HSPG2: variants seen among roughly 807,000 people sequenced by gnomAD.
HSPG2 encodes the protein basement membrane-specific heparan sulfate proteoglycan core protein.
HSPG2 carries 278 observed loss-of-function variants against 526.6 expected under a neutral mutation model. The observed-to-expected ratio is 0.53, with a 90% confidence interval of 0.48 to 0.58. The LOEUF (loss-of-function observed/expected upper bound fraction) is 0.58, where lower values mean the gene tolerates loss of function less well. Among genes scored for constraint, HSPG2 ranks in the 20% least tolerant of loss-of-function variants. The pLI, the probability that HSPG2 is intolerant of heterozygous loss-of-function variation, is 0.00. For synonymous variants in HSPG2, 2,465 were observed against 2,555.4 expected (o/e 0.96, Z 1.07); for missense variants, 5,354 against 6,099.5 (o/e 0.88, Z 4.07).
chr1:21,829,253 G>A (rs2097991217), intron 87 of HSPG2, 130 bp downstream of exon 87: 3 of 1,348,786 alleles, frequency 2.2e-6, no homozygotes, highest in Non-Finnish European at 3.1e-6. Context: ...ACACAGAGAC[G>A]AAATGCACAG....
Position 21,898,413 on chromosome 1 carries a change from T to C in HSPG2, c.64-2103A>G, listed in dbSNP as rs1642895581. 6.6e-6 allele frequency among the ~76,000 whole-genome samples: 1 copy of C among 152,222 alleles called. No individual in the cohort carries two copies. Among genetic ancestry groups the C allele is most frequent in the Non-Finnish European group, 1.5e-5 (1 of 68,032 alleles). On this transcript the variant is annotated intron_variant, in intron 1 of 96. Transcript: ENST00000374695. This position sits in a 1 kb window ranked among gnomAD's most constrained non-coding sequence, Gnocchi z 4.0. ...TCCTCCTGAGTGCTGGCCTGTGGACTTCTAGGCTGTGCCCGTGGGATGCGC... is the reference window on the plus strand; with the variant it reads ...TCCTCCTGAGTGCTGGCCTGTGGACCTCTAGGCTGTGCCCGTGGGATGCGC...
At chr1:21,900,192 C>T (rs556831577) in intron 1 of HSPG2, among the ~76,000 whole-genome samples, 16 of 152,312 alleles carry the variant, frequency 1.1e-4, no homozygotes, top group South Asian at 6.2e-4. Context: ...GGTCAGACCT[C>T]GGCCAGAGAG....
At chr1:21,877,721 C>T (rs910589876) in intron 21 of HSPG2, among the ~76,000 whole-genome samples, 2 of 152,078 alleles carry the variant, frequency 1.3e-5, no homozygotes, top group Non-Finnish European at 2.9e-5. Flanking sequence ...TGGTCTTGAA[C>T]TCCTGACCTC....
chr1:21,899,420 C>T (rs1467817868), intron 1 of HSPG2, among the ~76,000 whole-genome samples: 1 of 152,102 alleles, frequency 6.6e-6, no homozygotes, highest in Non-Finnish European at 1.5e-5. Context: ...TGAGCACTTA[C>T]TATGCACCAG....
chr1:21,822,255 G>T lies in HSPG2; in HGVS notation c.*1061C>A. On this transcript the variant is annotated 3_prime_UTR_variant, in exon 97 of 97. Coordinates refer to ENST00000374695, the MANE Select transcript of HSPG2 (RefSeq NM_005529.7). ...ACTCAGGAGGCCCCTGGCGGGGATA[G>T]CACCGTTTATTAAGAAAAATCAAGA... 6.3e-7 allele frequency: 1 copy of T among 1,595,558 alleles called. No individual in the cohort carries two copies. Among genetic ancestry groups the T allele is most frequent in the Non-Finnish European group, 8.6e-7 (1 of 1,163,276 alleles).
intron 1 of HSPG2, among the ~76,000 whole-genome samples, chr1:21,929,582 GTTTT>G (rs35937490): frequency 5.6e-5 from 7 of 125,172 alleles, no homozygotes; most frequent in Non-Finnish European, 8.4e-5. Flanking sequence ...CCACCTGCCG[GTTTT>G]TTTTTTTTTT....
In HSPG2 at chr1:21,833,362, C is replaced by A; in HGVS notation, c.11001G>T (p.Thr3667=). Residue 3667 remains threonine, a synonymous_variant, in exon 80 of 97, where the codon ACG becomes ACT. Coordinates refer to ENST00000374695, the MANE Select transcript of HSPG2 (RefSeq NM_005529.7). ...GCGGTAGGAAGGAGTAGGGGGTCTG[C>A]GTGAAGTAGGGCACCACCCGCTCTG... ...QVPERVVPYF[T]QTPYSFLPLP... The A allele has an allele frequency of 6.2e-7, 1 of 1,614,126 alleles. No individual in the cohort carries two copies. The highest frequency in any genetic ancestry group is 8.5e-7 in the Non-Finnish European group (1 of 1,180,010).
At chr1:21,863,068 A>AAAAAAAAAAC (rs1639939273) in intron 37 of HSPG2, among the ~76,000 whole-genome samples, 3 of 66,228 alleles carry the variant, frequency 4.5e-5, no homozygotes, top group South Asian at 6.7e-4. Context: ...CTCAAAAAAA[A>AAAAAAAAAAC]AAAAAAAAAA....
At chr1:21,855,099 G>A in intron 47 of HSPG2, 116 bp from the exon 48 acceptor site, 7 of 1,397,606 alleles carry the variant, frequency 5.0e-6, no homozygotes, top group Non-Finnish European at 6.9e-6. Flanking sequence ...AGGGCCCAGT[G>A]GGGCATGAAG....
Position 21,872,357 on chromosome 1 carries a change from A to C in HSPG2, c.4050T>G (p.Pro1350=). ...CCAGGGCAAAGCCTTGGAAGTCCCC[A>C]GGGGCAAAGTGGGTGGAGATCTGGC... ...TRHLISTHFA[P]GDFQGFALVN... is the part of the protein sequence containing the mutation. Residue 1350 remains proline (P), a synonymous_variant, in exon 33 of 97, where the codon CCT becomes CCG. Transcript: ENST00000374695. This position sits in a 1 kb window ranked among gnomAD's most constrained non-coding sequence, Gnocchi z 5.5. 6.3e-7 allele frequency: 1 copy of C among 1,576,078 alleles called. No homozygotes were observed. The highest frequency in any genetic ancestry group is 8.6e-7 in the Non-Finnish European group (1 of 1,159,566).
At chr1:21,870,428 G>T in intron 33 of HSPG2, 1 of 327,834 alleles carries the variant, frequency 3.1e-6, no homozygotes, top group Non-Finnish European at 4.4e-6. Context: ...ACACTAATTA[G>T]GAAGAAAGAT....
chr1:21,823,481 G>A lies in HSPG2; in HGVS notation c.13011C>T (p.Ala4337=), dbSNP rs1263243391. 1 of 1,601,206 alleles carries A rather than the reference G, an allele frequency of 6.2e-7. No homozygotes were observed. Among genetic ancestry groups the A allele is most frequent in the Non-Finnish European group, 8.5e-7 (1 of 1,177,686 alleles). ...CCCCGGTCAGCGTGGCCACGTCAGG[G>A]GCTCCGCCTGCCGGGAGGTGAGAGG... ...NAKGSVYIGG[A]PDVATLTGGR... is the part of the protein sequence containing the mutation. The change falls in exon 97 of 97, where the codon GCC becomes GCT. Residue 4337 remains alanine (A), a synonymous_variant. Transcript: ENST00000374695.
In HSPG2 at chr1:21,841,082, G is replaced by A. The variant is rs1266028451; in HGVS notation, c.9513+19C>T. The A allele has an allele frequency of 3.8e-6, 6 of 1,581,058 alleles. No individual in the cohort carries two copies. Among genetic ancestry groups the A allele is most frequent in the Non-Finnish European group, 5.2e-6 (6 of 1,164,656 alleles). ...CCATGGACTGGGCCTCAGACCCAGA[G>A]AGGCAGCCCCGGCTTCACCTGCAGC... On this transcript the variant is annotated intron_variant, in intron 71 of 96. Coordinates refer to ENST00000374695, the MANE Select transcript of HSPG2 (RefSeq NM_005529.7).
chr1:21,924,356 C>T (rs1274658425), intron 1 of HSPG2, among the ~76,000 whole-genome samples: 2 of 152,172 alleles, frequency 1.3e-5, no homozygotes, highest in Non-Finnish European at 2.9e-5. Context: ...CAACACAACT[C>T]AAAGTCCAGA....
chr1:21,860,580 C>T (rs1419171833), intron 39 of HSPG2, among the ~76,000 whole-genome samples: 2 of 152,072 alleles, frequency 1.3e-5, no homozygotes, highest in Non-Finnish European at 2.9e-5. Flanking sequence ...CAAACTCCGT[C>T]TCCGGGGTTC....
rs149431110 is a variant in HSPG2 at position 21,861,781 on chromosome 1, C to T, written c.4931G>A (p.Gly1644Asp). The change falls in exon 39 of 97, where the codon GGC (glycine) becomes GAC (aspartate). Residue 1644 changes from glycine (G) to aspartate (D), a missense_variant. Gly to Asp is a moderately conservative substitution (Grantham distance 94). Coordinates refer to ENST00000374695, the MANE Select transcript of HSPG2 (RefSeq NM_005529.7). ...CTGCTCACAGTACTGGCCAGTGTAG[C>T]CGGGTTCGCAGGCCGTGCAGCGGTA... ...GGYRCTACEPGYTGQYCEQCG... is the reference protein window; with the variant it reads ...GGYRCTACEPDYTGQYCEQCG... 4 of 1,613,844 alleles carry T rather than the reference C, an allele frequency of 2.5e-6. No homozygotes were observed. The African/African-American group carries it at 5.3e-5, about 22-fold the overall frequency.
intron 80 of HSPG2, 91 bp downstream of exon 80, chr1:21,833,177 G>A: frequency 2.7e-5 from 29 of 1,070,148 alleles, no homozygotes; most frequent in Non-Finnish European, 4.1e-5. Context: ...CAGGACTGAG[G>A]GGCAGCCAGG....
intron 87 of HSPG2, 133 bp from the exon 88 acceptor site, chr1:21,829,212 C>A: frequency 7.1e-7 from 1 of 1,413,258 alleles, no homozygotes. Context: ...GAGCCCATGG[C>A]TCAGAGAGGG....
chr1:21,828,779 G>A lies in HSPG2; in HGVS notation c.12237+56C>T. On this transcript the variant is annotated intron_variant, in intron 88 of 96. Transcript: ENST00000374695. This position sits in a 1 kb window ranked among gnomAD's most constrained non-coding sequence, Gnocchi z 6.0. ...GCCAAGGTGCTTGGAGAGCCGAGGG[G>A]GACACAAGGCTTGGCACCCCTCCCC... The A allele has an allele frequency of 6.5e-7, 1 of 1,549,250 alleles. No individual in the cohort carries two copies. The highest frequency in any genetic ancestry group is 8.7e-7 in the Non-Finnish European group (1 of 1,146,684).
Sources: allele counts gnomAD v4.1 joint callset (sites outside exome capture counted in the v4.1 genomes callset), GRCh38; gene constraint gnomAD v4.1.1; non-coding constraint Gnocchi (gnomAD v3.1); transcripts MANE v1.5; gene names NCBI Gene and HGNC (gene_info 2026-07-23, HGNC 2026-07-21).